The following C1orf74 variants were observed in gnomAD, a reference collection of about 807,000 sequenced individuals.
The protein encoded by C1orf74 is UPF0739 protein C1orf74.
C1orf74 carries 5 observed loss-of-function variants against 7.3 expected under a neutral mutation model. The ratio of observed to expected loss-of-function variants is 0.68; its 90% CI spans 0.36 to 1.44. The LOEUF (loss-of-function observed/expected upper bound fraction) is 1.44, where lower values mean the gene tolerates loss of function less well. C1orf74 is among the 40% of genes most tolerant of loss of function. C1orf74 has a pLI of 0.04. For synonymous variants in C1orf74, 121 were observed against 132.5 expected (o/e 0.91, Z 0.59); for missense variants, 291 against 314.3 (o/e 0.93, Z 0.56).
At position 209,783,280 on chromosome 1, in the gene C1orf74, T is replaced by C; in HGVS notation, c.355A>G (p.Ser119Gly). The change falls in exon 2 of 2, where the codon AGC becomes GGC. Residue 119 changes from serine (S) to glycine (G), a missense_variant. Physicochemically the swap from Ser to Gly is moderately conservative, Grantham distance 56. Transcript: ENST00000294811. ...LGTIAFVDVSSCQRHPSVCSL... is the reference protein window; with the variant it reads ...LGTIAFVDVSGCQRHPSVCSL... ...CAGACAGAAGGGTGACGCTGGCAGCTGGAAACATCCACAAAGGCTATGGTA... is the reference window on the plus strand; with the variant it reads ...CAGACAGAAGGGTGACGCTGGCAGCCGGAAACATCCACAAAGGCTATGGTA... 1 of 1,614,178 alleles carries C rather than the reference T, an allele frequency of 6.2e-7. No homozygotes were observed. The highest frequency in any genetic ancestry group is 8.5e-7 in the Non-Finnish European group (1 of 1,180,028).
At position 209,783,011 on chromosome 1, in the gene C1orf74, T is replaced by C. The variant is rs760550474; in HGVS notation, c.624A>G (p.Ser208=). The change falls in exon 2 of 2, where the codon TCA becomes TCG. Residue 208 remains serine (S), a synonymous_variant. Coordinates refer to ENST00000294811, the MANE Select transcript of C1orf74 (RefSeq NM_152485.4). ...GGATTGGGGGTTGACCTAGCAACCA[T>C]GAGATCCGGGCAGTGAATACTCGTA... is the stretch of plus-strand genomic sequence containing the variant. ...TPLRVFTARI[S]WLLGQPPILL... is the part of the protein sequence containing the mutation. 1.9e-6 allele frequency: 3 copies of C among 1,611,026 alleles called. No individual in the cohort carries two copies. The highest frequency in any genetic ancestry group is 8.5e-7 in the Non-Finnish European group (1 of 1,177,338).
At position 209,780,839 on chromosome 1, in the gene C1orf74, A is replaced by G; in HGVS notation, c.*1986T>C. ...TAAATGATTACCTTTTAGAAAGTCG[A>G]CCAAAACTCAAACACATTTAATAAA... On this transcript the variant is annotated 3_prime_UTR_variant, in exon 2 of 2. Transcript: ENST00000294811. 1 of 299,384 alleles carries G rather than the reference A, an allele frequency of 3.3e-6. No homozygotes were observed. Among genetic ancestry groups the G allele is most frequent in the Admixed American group, 5.1e-5 (1 of 19,792 alleles). 18.5% of individuals were successfully genotyped at this position (299,384 alleles called of 1,614,324 possible).
chr1:209,783,068 C>G lies in C1orf74; in HGVS notation c.567G>C (p.Gln189His). 6.2e-7 allele frequency: 1 copy of G among 1,614,200 alleles called. No individual in the cohort carries two copies. The highest frequency in any genetic ancestry group is 8.5e-7 in the Non-Finnish European group (1 of 1,180,044). The change falls in exon 2 of 2, where the codon CAG (glutamine) becomes CAC (histidine). Residue 189 changes from glutamine to histidine, a missense_variant. Physicochemically the swap from Gln to His is conservative, Grantham distance 24. Transcript: ENST00000294811. ...TCAGAGCTAAGCAGTTGTCATCTCC[C>G]TGGTTCAGGTGAAAGGTATAGGGAA... ...YPVPYTFHLN[Q>H]GDDNCLALTP...
Position 209,782,141 on chromosome 1 carries a change from T to TA in C1orf74, c.*683_*684insT. On this transcript the variant is annotated 3_prime_UTR_variant, in exon 2 of 2. Coordinates refer to ENST00000294811, the MANE Select transcript of C1orf74 (RefSeq NM_152485.4). Reference sequence around the variant, plus strand: ...TTCCTGGCCAATAAAGACAACCTGATGATCTGAATAATTTGTGACAACTGC... The same window carrying TA: ...TTCCTGGCCAATAAAGACAACCTGATAGATCTGAATAATTTGTGACAACTGC... 1 of 1,613,648 alleles carries TA rather than the reference T, an allele frequency of 6.2e-7. No individual in the cohort carries two copies.
At chr1:209,784,111 C>A (rs754524820) in intron 1 of C1orf74, among the ~76,000 whole-genome samples, 34 of 152,124 alleles carry the variant, frequency 2.2e-4, no homozygotes, top group Non-Finnish European at 3.4e-4. Flanking sequence ...CCTACTCTTC[C>A]CGCCAGAGAA....
chr1:209,782,063 G>C lies in C1orf74; in HGVS notation c.*762C>G. Reference sequence around the variant, plus strand: ...CTCCCTGTCCCCCTACAGAGGCAATGTGGGCGATGGCTCCCAGTGCTGATG... The same window carrying C: ...CTCCCTGTCCCCCTACAGAGGCAATCTGGGCGATGGCTCCCAGTGCTGATG... On this transcript the variant is annotated 3_prime_UTR_variant, in exon 2 of 2. Transcript: ENST00000294811. The C allele has an allele frequency of 6.2e-7, 1 of 1,614,086 alleles. No individual in the cohort carries two copies. Among genetic ancestry groups the C allele is most frequent in the Non-Finnish European group, 8.5e-7 (1 of 1,179,940 alleles).
chr1:209,783,603 C>G lies in C1orf74; in HGVS notation c.32G>C (p.Ser11Thr). ...AGCAGCTGCCACCAGCAGCTGAGGG[C>G]TCGGTGATGACATGAGATCTAGAAG... is the stretch of plus-strand genomic sequence containing the variant. MLLLDLMSSP[S>T]PQLLVAAAQQ... The change falls in exon 2 of 2, where the codon AGC becomes ACC. Residue 11 changes from serine (S) to threonine (T), a missense_variant. Physicochemically the swap from Ser to Thr is moderately conservative, Grantham distance 58. Coordinates refer to ENST00000294811, the MANE Select transcript of C1orf74 (RefSeq NM_152485.4). The G allele has an allele frequency of 1.2e-6, 2 of 1,606,048 alleles. No individual in the cohort carries two copies. Among genetic ancestry groups the G allele is most frequent in the Non-Finnish European group, 1.7e-6 (2 of 1,176,490 alleles).
At position 209,783,302 on chromosome 1, in the gene C1orf74, G is replaced by A. The variant is rs1447682850; in HGVS notation, c.333C>T (p.Thr111=). ...AGCTGGAAACATCCACAAAGGCTAT[G>A]GTACCAAGCAGCACCTGCTCCAAGT... ...CQHLEQVLLG[T]IAFVDVSSCQ... is the part of the protein sequence containing the mutation. Residue 111 remains threonine (T), a synonymous_variant, in exon 2 of 2, where the codon ACC becomes ACT. Transcript: ENST00000294811. 6.2e-7 allele frequency: 1 copy of A among 1,614,028 alleles called. No homozygotes were observed. Among genetic ancestry groups the A allele is most frequent in the Non-Finnish European group, 8.5e-7 (1 of 1,180,040 alleles).
chr1:209,783,566 A>G lies in C1orf74; in HGVS notation c.69T>C (p.Leu23=). The change falls in exon 2 of 2, where the codon CTT becomes CTC. Residue 23 remains leucine (L), a synonymous_variant. Transcript: ENST00000294811. The stretch of plus-strand genomic sequence containing the variant: ...GTGGACTCCGTCTCTTTCCCATGCC[A>G]AGGGTCTGCTGAGCAGCTGCCACCA... ...QLLVAAAQQT[L]GMGKRRSPPQ... is the part of the protein sequence containing the mutation. 1.2e-6 allele frequency: 2 copies of G among 1,613,956 alleles called. No individual in the cohort carries two copies. The highest frequency in any genetic ancestry group is 1.7e-6 in the Non-Finnish European group (2 of 1,179,950).
chr1:209,780,568 C>CA lies in C1orf74; in HGVS notation c.*2256dup. On this transcript the variant is annotated 3_prime_UTR_variant, in exon 2 of 2. Coordinates refer to ENST00000294811, the MANE Select transcript of C1orf74 (RefSeq NM_152485.4). ...AGACTGGGATCTCAGAGACCAGCTGCAAAAGAAGACTTTGCAGCTCCAGGC... is the reference window on the plus strand; with the variant it reads ...AGACTGGGATCTCAGAGACCAGCTGCAAAAAGAAGACTTTGCAGCTCCAGGC... The CA allele has an allele frequency of 6.3e-7, 1 of 1,597,646 alleles. No individual in the cohort carries two copies. The highest frequency in any genetic ancestry group is 8.5e-7 in the Non-Finnish European group (1 of 1,171,062).
chr1:209,780,771 T>G lies in C1orf74; in HGVS notation c.*2054A>C. On this transcript the variant is annotated 3_prime_UTR_variant, in exon 2 of 2. Coordinates refer to ENST00000294811, the MANE Select transcript of C1orf74 (RefSeq NM_152485.4). ...GTGCTTTTGGGCTGACTTGTCAATC[T>G]TTTCCCTTCCTTATTTATACCAACT... The G allele has an allele frequency of 1.9e-6, 1 of 529,752 alleles. No homozygotes were observed. The highest frequency in any genetic ancestry group is 2.9e-6 in the Non-Finnish European group (1 of 345,988). 32.8% of individuals were successfully genotyped at this position (529,752 alleles called of 1,614,324 possible). A position where few individuals can be genotyped will look rare whatever the true frequency, so the allele number is the denominator to read the frequency against.
rs1378020494 is a variant in C1orf74 at position 209,779,840 on chromosome 1, T to G, written c.*2985A>C. On this transcript the variant is annotated 3_prime_UTR_variant, in exon 2 of 2. Transcript: ENST00000294811. Reference sequence around the variant, plus strand: ...CTCACCTGTCCACTACACACGACCTTTTGTTTTCTCTTCACAATCATTGGG... The same window carrying G: ...CTCACCTGTCCACTACACACGACCTGTTGTTTTCTCTTCACAATCATTGGG... 3.8e-6 allele frequency: 1 copy of G among 264,468 alleles called. No individual in the cohort carries two copies. Among genetic ancestry groups the G allele is most frequent in the Non-Finnish European group, 7.2e-6 (1 of 138,690 alleles). 16.4% of individuals were successfully genotyped at this position (264,468 alleles called of 1,614,324 possible). A position where few individuals can be genotyped will look rare whatever the true frequency, so the allele number is the denominator to read the frequency against.
chr1:209,781,648 T>C lies in C1orf74; in HGVS notation c.*1177A>G. 1.9e-6 allele frequency: 1 copy of C among 519,528 alleles called. No homozygotes were observed. The highest frequency in any genetic ancestry group is 2.3e-5 in the South Asian group (1 of 42,922). The allele number at this position is 519,528 out of a possible 1,614,324, so 32.2% of individuals were successfully genotyped here. ...ACTGGCTCGTCCATCAAAGCCCAAC[T>C]TTCACAGAACTCTCAATGCCAGAAG... On this transcript the variant is annotated 3_prime_UTR_variant, in exon 2 of 2. Transcript: ENST00000294811.
At position 209,780,304 on chromosome 1, in the gene C1orf74, G is replaced by C. The variant is rs1477655785; in HGVS notation, c.*2521C>G. On this transcript the variant is annotated 3_prime_UTR_variant, in exon 2 of 2. Transcript: ENST00000294811. Reference sequence around the variant, plus strand: ...CCAGCTGTCTGTCCAAGCTTAGCAGGGGCCTACTGGAAGTTAACCTTTATG... The same window carrying C: ...CCAGCTGTCTGTCCAAGCTTAGCAGCGGCCTACTGGAAGTTAACCTTTATG... 4 of 516,088 alleles carry C rather than the reference G, an allele frequency of 7.8e-6. No homozygotes were observed. Among genetic ancestry groups the C allele is most frequent in the Non-Finnish European group, 1.3e-5 (4 of 312,812 alleles). The allele number at this position is 516,088 out of a possible 1,614,324, so 32.0% of individuals were successfully genotyped here. A position where few individuals can be genotyped will look rare whatever the true frequency, so the allele number is the denominator to read the frequency against.
Position 209,779,620 on chromosome 1 carries a change from G to A in C1orf74, c.*3205C>T, listed in dbSNP as rs1006043098. 4.8e-6 allele frequency: 3 copies of A among 621,812 alleles called. No individual in the cohort carries two copies. The African/African-American group carries it at 5.6e-5, about 12-fold the overall frequency. 38.5% of individuals were successfully genotyped at this position (621,812 alleles called of 1,614,324 possible). A position where few individuals can be genotyped will look rare whatever the true frequency, so the allele number is the denominator to read the frequency against. The stretch of plus-strand genomic sequence containing the variant: ...CTATTCTCTCTGAAAGCACATGTCT[G>A]TGTTGAACATTTCAATAAATTTATT... On this transcript the variant is annotated 3_prime_UTR_variant, in exon 2 of 2. Transcript: ENST00000294811.
chr1:209,781,540 C>A lies in C1orf74; in HGVS notation c.*1285G>T. 1 of 983,394 alleles carries A rather than the reference C, an allele frequency of 1.0e-6. No individual in the cohort carries two copies. Among genetic ancestry groups the A allele is most frequent in the Non-Finnish European group, 1.6e-6 (1 of 623,208 alleles). The allele number at this position is 983,394 out of a possible 1,614,324, so 60.9% of individuals were successfully genotyped here. On this transcript the variant is annotated 3_prime_UTR_variant, in exon 2 of 2. Coordinates refer to ENST00000294811, the MANE Select transcript of C1orf74 (RefSeq NM_152485.4). The stretch of plus-strand genomic sequence containing the variant: ...ACCAAGTTTTGCACATAAAATATAT[C>A]AGCCCACGCCAACAACTGGCCATCC...
chr1:209,783,681 A>C lies in C1orf74; in HGVS notation c.-47T>G. On this transcript the variant is annotated 5_prime_UTR_variant, in exon 2 of 2. The change abolishes an upstream ATG in the 5' untranslated region. Coordinates refer to ENST00000294811, the MANE Select transcript of C1orf74 (RefSeq NM_152485.4). ...GCCCGAGTTCCCTTCCCTGGGTGGC[A>C]TCTTTCAGCCAGACACTTGAGGAGG... 6.7e-7 allele frequency: 1 copy of C among 1,483,502 alleles called. No homozygotes were observed. The highest frequency in any genetic ancestry group is 9.1e-7 in the Non-Finnish European group (1 of 1,101,240). The allele number at this position is 1,483,502 out of a possible 1,614,324, so 91.9% of individuals were successfully genotyped here.
rs184900416 is a variant in C1orf74 at position 209,779,495 on chromosome 1, G to A, written c.*3330C>T. ...CCAGTTCTGGGAGTCTGTTAAGTCC[G>A]GGATGTGTGGGAGCTTTTTAAGGAC... On this transcript the variant is annotated 3_prime_UTR_variant, in exon 2 of 2. Coordinates refer to ENST00000294811, the MANE Select transcript of C1orf74 (RefSeq NM_152485.4). 3.1e-4 allele frequency: 250 copies of A among 816,786 alleles called. 1 individual carries two copies. Among genetic ancestry groups the A allele is most frequent in the East Asian group, 1.6e-3 (60 of 38,208 alleles). The allele number at this position is 816,786 out of a possible 1,614,324, so 50.6% of individuals were successfully genotyped here. A position where few individuals can be genotyped will look rare whatever the true frequency, so the allele number is the denominator to read the frequency against.
rs2077730124 is a variant in C1orf74, at chr1:209,779,440, G to GA, written c.*3384dup. 4.2e-6 allele frequency: 6 copies of GA among 1,413,866 alleles called. No homozygotes were observed. The East Asian group carries it at 1.4e-4, about 32-fold the overall frequency. The allele number at this position is 1,413,866 out of a possible 1,614,324, so 87.6% of individuals were successfully genotyped here. Reference sequence around the variant, plus strand: ...TCTCTTACCTGCCTAGAGGCAGCGGGATGGACTACATGACCTCCTGGAGTC... The same window carrying GA: ...TCTCTTACCTGCCTAGAGGCAGCGGGAATGGACTACATGACCTCCTGGAGTC... On this transcript the variant is annotated 3_prime_UTR_variant, in exon 2 of 2. Coordinates refer to ENST00000294811, the MANE Select transcript of C1orf74 (RefSeq NM_152485.4).
Sources: allele counts gnomAD v4.1 joint callset (sites outside exome capture counted in the v4.1 genomes callset), GRCh38; gene constraint gnomAD v4.1.1; transcripts MANE v1.5; gene names NCBI Gene and HGNC (gene_info 2026-07-23, HGNC 2026-07-21).